The following GRIA1 variants were observed in gnomAD, a reference collection of about 807,000 sequenced individuals.
GRIA1 encodes the protein glutamate ionotropic receptor AMPA type subunit 1, also known as glutamate receptor 1.
GRIA1 carries 31 observed loss-of-function variants against 99.2 expected under a neutral mutation model. The ratio of observed to expected loss-of-function variants is 0.31; its 90% confidence interval spans 0.23 to 0.42. The LOEUF (loss-of-function observed/expected upper bound fraction) is 0.42, where lower values mean the gene tolerates loss of function less well. Among genes scored for constraint, GRIA1 ranks in the 10% least tolerant of loss-of-function variants. GRIA1 has a pLI of 1.00. For missense variants in GRIA1, 782 were observed against 1,157.5 expected, an observed-to-expected ratio of 0.68 and a Z score of 4.71; for synonymous variants, 438 against 432.4, an observed-to-expected ratio of 1.01 and a Z score of -0.16.
At chr5:153,646,657 A>G (rs566324670) in intron 2 of GRIA1, among the ~76,000 whole-genome samples, 2 of 152,290 alleles carry the variant, frequency 1.3e-5, no homozygotes, top group East Asian at 1.9e-4. Flanking sequence ...TAGATATCTA[A>G]TAAAATTGGA....
chr5:153,641,262 G>A (rs755078614), intron 2 of GRIA1, among the ~76,000 whole-genome samples: 10 of 152,064 alleles, frequency 6.6e-5, no homozygotes, highest in Non-Finnish European at 1.5e-4. Context: ...GAGAAATGTC[G>A]GTGTGAGAGG....
intron 2 of GRIA1, among the ~76,000 whole-genome samples, chr5:153,551,050 T>C (rs1439488997): frequency 6.6e-6 from 1 of 152,122 alleles, no homozygotes; most frequent in Non-Finnish European, 1.5e-5. Flanking sequence ...TTTAGGTCAA[T>C]GCAGTTTTTT....
rs1044787461 is a variant in GRIA1, at chr5:153,500,218, C to T, written c.220+6153C>T. Among the ~76,000 whole-genome samples, 6 of 152,152 alleles carry T rather than the reference C, an allele frequency of 3.9e-5. No individual in the cohort carries two copies. In the East Asian group the frequency reaches 1.2e-3, roughly 29 times the overall value. On this transcript the variant is annotated intron_variant, in intron 2 of 15. Transcript: ENST00000285900. The stretch of plus-strand genomic sequence containing the variant: ...GAGCTTACTGCTCTCCTCTCAGCCA[C>T]TCAGGATAAAGTGATCATATAGCAC...
At chr5:153,661,646 G>A (rs1396280031) in intron 5 of GRIA1, among the ~76,000 whole-genome samples, 1 of 152,148 alleles carries the variant, frequency 6.6e-6, no homozygotes, top group East Asian at 1.9e-4. Context: ...CACATAACAG[G>A]TGTGCTTTAA....
At chr5:153,620,795 T>C (rs964572418) in intron 2 of GRIA1, among the ~76,000 whole-genome samples, 1 of 152,224 alleles carries the variant, frequency 6.6e-6, no homozygotes, top group Admixed American at 6.5e-5. Flanking sequence ...TTCCTGACTC[T>C]AATGCTGGTT....
At chr5:153,565,023 A>G (rs769646801) in intron 2 of GRIA1, among the ~76,000 whole-genome samples, 43 of 146,402 alleles carry the variant, frequency 2.9e-4, no homozygotes, top group Non-Finnish European at 5.4e-4. Flanking sequence ...ACAACAACCC[A>G]AAGTTATAAT....
Position 153,592,285 on chromosome 5 carries a change from C to T in GRIA1, c.221-54643C>T, listed in dbSNP as rs763445314. Among the ~76,000 whole-genome samples, 3 of 152,288 alleles carry T rather than the reference C, an allele frequency of 2.0e-5. No individual in the cohort carries two copies. In the South Asian group the frequency reaches 6.2e-4, roughly 32 times the overall value. ...GAAACTAGTAGATGGCTCTAGATTCCATTGAATTCCTGCCAAGGGGCCTGA... is the reference window on the plus strand; with the variant it reads ...GAAACTAGTAGATGGCTCTAGATTCTATTGAATTCCTGCCAAGGGGCCTGA... On this transcript the variant is annotated intron_variant, in intron 2 of 15. Coordinates refer to ENST00000285900, the MANE Select transcript of GRIA1 (RefSeq NM_000827.4).
intron 11 of GRIA1, among the ~76,000 whole-genome samples, chr5:153,708,422 G>A (rs918986911): frequency 3.3e-5 from 5 of 152,096 alleles, no homozygotes; most frequent in African/African-American, 1.2e-4. Context: ...CATAGGAGTT[G>A]ACATTGAGGT....
intron 7 of GRIA1, among the ~76,000 whole-genome samples, chr5:153,678,347 T>C (rs923945117): frequency 2.0e-5 from 3 of 152,062 alleles, no homozygotes; most frequent in African/African-American, 7.2e-5. Flanking sequence ...CCCTGATGAG[T>C]GCCTTTCTGT....
At chr5:153,695,817 C>CTGT (rs1561776168) in intron 8 of GRIA1, among the ~76,000 whole-genome samples, 6 of 152,224 alleles carry the variant, frequency 3.9e-5, no homozygotes, top group Admixed American at 2.0e-4. Context: ...CCCCGTCAGA[C>CTGT]CTCCGAGCTG....
At chr5:153,597,330 C>G (rs991903106) in intron 2 of GRIA1, among the ~76,000 whole-genome samples, 1 of 152,178 alleles carries the variant, frequency 6.6e-6, no homozygotes, top group Non-Finnish European at 1.5e-5. Flanking sequence ...GCCATGGATC[C>G]TGCACCCCAT....
intron 2 of GRIA1, among the ~76,000 whole-genome samples, chr5:153,636,668 T>C (rs1372539121): frequency 2.6e-5 from 4 of 152,266 alleles, no homozygotes; most frequent in African/African-American, 9.6e-5. Context: ...CTGAATCTTC[T>C]ACTTAATGGC....
intron 10 of GRIA1, among the ~76,000 whole-genome samples, chr5:153,703,200 G>C (rs957059864): frequency 6.6e-6 from 1 of 152,168 alleles, no homozygotes; most frequent in African/African-American, 2.4e-5. Flanking sequence ...CAGTATGTGT[G>C]TATCTTACAT....
At chr5:153,593,854 C>T (rs1764194613) in intron 2 of GRIA1, among the ~76,000 whole-genome samples, 2 of 152,136 alleles carry the variant, frequency 1.3e-5, no homozygotes, top group Non-Finnish European at 2.9e-5. Context: ...TTCCTCATTA[C>T]CAGTTATGCT....
chr5:153,777,578 C>T (rs1764339452), intron 13 of GRIA1, among the ~76,000 whole-genome samples: 1 of 152,142 alleles, frequency 6.6e-6, no homozygotes, highest in South Asian at 2.1e-4. Flanking sequence ...CCCCTCTCCT[C>T]CTCCCATTAG....
intron 11 of GRIA1, 139 bp from the exon 12 acceptor site, chr5:153,764,295 A>G (rs1763370878): frequency 1.5e-6 from 1 of 654,462 alleles, no homozygotes; most frequent in Non-Finnish European, 2.8e-6. Flanking sequence ...TTGAATTCTC[A>G]CATCTTGCTG....
At chr5:153,545,443 C>A (rs1759521313) in intron 2 of GRIA1, among the ~76,000 whole-genome samples, 1 of 152,068 alleles carries the variant, frequency 6.6e-6, no homozygotes, top group Non-Finnish European at 1.5e-5. Flanking sequence ...GATGGCATGG[C>A]AGTCTGACAT....
At chr5:153,749,660 C>T (rs1353580015) in intron 11 of GRIA1, among the ~76,000 whole-genome samples, 3 of 152,156 alleles carry the variant, frequency 2.0e-5, no homozygotes, top group Non-Finnish European at 4.4e-5. Flanking sequence ...ATGACCCAAA[C>T]ACCTTCCACC....
chr5:153,674,408 G>A (rs2149485086), intron 5 of GRIA1, 92 bp from the exon 6 acceptor site: 1 of 1,382,524 alleles, frequency 7.2e-7, no homozygotes, highest in South Asian at 1.3e-5. Flanking sequence ...TCATCTGGTG[G>A]AACTGAATGG....
Sources: allele counts gnomAD v4.1 joint callset (sites outside exome capture counted in the v4.1 genomes callset), GRCh38; gene constraint gnomAD v4.1.1; transcripts MANE v1.5; gene names NCBI Gene and HGNC (gene_info 2026-07-23, HGNC 2026-07-21).